VPS13B: variants seen among roughly 807,000 people sequenced by gnomAD.
The protein encoded by VPS13B is vacuolar protein sorting 13 homolog B.
Under a neutral mutation model 426.4 loss-of-function variants are expected in VPS13B, and 285 were observed. That is an observed-to-expected ratio of 0.67 (90% CI 0.61 to 0.74). The LOEUF (loss-of-function observed/expected upper bound fraction) is 0.74. Ranked by LOEUF, VPS13B falls within the 30% of genes least tolerant of loss-of-function variation. VPS13B has a pLI of 0.00. For synonymous variants in VPS13B, 1,676 were observed against 1,676.4 expected (o/e 1.00, Z 0.01); for missense variants, 4,537 against 4,782.6 (o/e 0.95, Z 1.51).
At chr8:99,050,603 C>T (rs963438288) in intron 3 of VPS13B, among the ~76,000 whole-genome samples, 11 of 152,180 alleles carry the variant, frequency 7.2e-5, no homozygotes, top group East Asian at 1.9e-4. Context: ...CCTGAGGAAT[C>T]GCCACACTGA....
At chr8:99,284,684 A>G (rs887653552) in intron 19 of VPS13B, among the ~76,000 whole-genome samples, 4 of 151,512 alleles carry the variant, frequency 2.6e-5, no homozygotes, top group East Asian at 3.9e-4. Flanking sequence ...CTGAATAGCT[A>G]TGACTACAGG....
intron 25 of VPS13B, among the ~76,000 whole-genome samples, chr8:99,482,664 C>G (rs1048403208): frequency 2.6e-5 from 4 of 152,102 alleles, no homozygotes; most frequent in African/African-American, 9.7e-5. Context: ...CAACACAGTT[C>G]AATCTTTCAT....
At chr8:99,260,240 ATTCT>A (rs1357262455) in intron 17 of VPS13B, among the ~76,000 whole-genome samples, 2 of 152,138 alleles carry the variant, frequency 1.3e-5, no homozygotes, top group Non-Finnish European at 2.9e-5. Context: ...GAATGAAAAG[ATTCT>A]TTATTTCTAT....
chr8:99,607,177 T>C (rs1194570461), intron 33 of VPS13B, among the ~76,000 whole-genome samples: 3 of 152,134 alleles, frequency 2.0e-5, no homozygotes, highest in Admixed American at 6.5e-5. Context: ...AGAAAGTATA[T>C]AACCTTCCCT....
chr8:99,402,389 T>A (rs916925298), intron 21 of VPS13B, among the ~76,000 whole-genome samples: 3 of 152,210 alleles, frequency 2.0e-5, no homozygotes, highest in East Asian at 3.9e-4. Flanking sequence ...CATGGTGATA[T>A]GACTTGCTGG....
intron 35 of VPS13B, among the ~76,000 whole-genome samples, chr8:99,686,269 A>G (rs1588622461): frequency 1.3e-5 from 2 of 152,180 alleles, no homozygotes; most frequent in Admixed American, 1.3e-4. Context: ...TAACACAAGC[A>G]CCGTGGCCAC....
chr8:99,576,785 T>C (rs1202346905), intron 32 of VPS13B, among the ~76,000 whole-genome samples: 1 of 152,206 alleles, frequency 6.6e-6, no homozygotes, highest in East Asian at 1.9e-4. Flanking sequence ...AATGTTCAAG[T>C]GACTAGGTTT....
At chr8:99,454,344 A>G (rs1818344804) in intron 23 of VPS13B, among the ~76,000 whole-genome samples, 1 of 151,866 alleles carries the variant, frequency 6.6e-6, no homozygotes, top group Admixed American at 6.6e-5. Flanking sequence ...TTTGTTTTTA[A>G]ATTTTTGTAG....
At chr8:99,705,246 A>C (rs147142490) in intron 36 of VPS13B, among the ~76,000 whole-genome samples, 1 of 152,164 alleles carries the variant, frequency 6.6e-6, no homozygotes, top group African/African-American at 2.4e-5. Flanking sequence ...AAAAAGTAGA[A>C]CAGGAATTTC....
At chr8:99,131,539 C>T (rs1391455438) in intron 8 of VPS13B, among the ~76,000 whole-genome samples, 1 of 152,124 alleles carries the variant, frequency 6.6e-6, no homozygotes, top group African/African-American at 2.4e-5. Context: ...AAGCGAGTCA[C>T]AGAAATTTTT....
chr8:99,329,982 A>C (rs550649089), intron 19 of VPS13B, among the ~76,000 whole-genome samples: 165 of 152,030 alleles, frequency 1.1e-3, no homozygotes, highest in African/African-American at 3.5e-3. Context: ...GTTTCCAGAC[A>C]GTGCTATATT....
At chr8:99,140,024 G>T (rs1347525836) in intron 12 of VPS13B, among the ~76,000 whole-genome samples, 1 of 152,038 alleles carries the variant, frequency 6.6e-6, no homozygotes, top group Non-Finnish European at 1.5e-5. Context: ...TTTGAAGGCG[G>T]ATTTGATTTT....
At position 99,265,301 on chromosome 8, in the gene VPS13B, G is replaced by T. The variant is rs985334571; in HGVS notation, c.2516-8897G>T. 2.6e-5 allele frequency among the ~76,000 whole-genome samples: 4 copies of T among 152,280 alleles called. No homozygotes were observed. The East Asian group carries it at 7.7e-4, about 29-fold the overall frequency. On this transcript the variant is annotated intron_variant, in intron 17 of 61. Transcript: ENST00000357162. ...TGTGTGAGGTTGGAACTTGTTGATT[G>T]TAGGGGAATTGGACACAATTCATTT...
At chr8:99,241,075 A>ATGCC (rs1816910417) in intron 17 of VPS13B, 1 of 152,232 alleles carries the variant, frequency 6.6e-6, no homozygotes, top group African/African-American at 2.4e-5. Context: ...TGTGCTTGAG[A>ATGCC]TGCCAGCTGG....
At chr8:99,445,103 G>T (rs3134147) in intron 23 of VPS13B, among the ~76,000 whole-genome samples, 39,485 of 151,428 alleles carry the variant, frequency 0.26, 5,870 homozygotes, top group East Asian at 0.44. Context: ...TTCTAGATAC[G>T]ATACCCTTAC....
chr8:99,179,296 T>C (rs1228521375), intron 16 of VPS13B, among the ~76,000 whole-genome samples: 1 of 152,192 alleles, frequency 6.6e-6, no homozygotes, highest in African/African-American at 2.4e-5. Flanking sequence ...TGGCTTGTTT[T>C]TGGAAGATCT....
rs374781096 is a variant in VPS13B at position 99,121,232 on chromosome 8, A to G, written c.993A>G (p.Gln331=). ...AATATCCTGCTCAGCATAAAGGTCA[A>G]GAGTTATATTCACAGCAAGATGAGG... ...DMQYPAQHKG[Q]ELYSQQDEEQ... The change falls in exon 8 of 62, where the codon CAA becomes CAG. Residue 331 remains glutamine, a synonymous_variant. Coordinates refer to ENST00000357162, the MANE Select transcript of VPS13B (RefSeq NM_152564.5). 6.2e-6 allele frequency: 10 copies of G among 1,614,024 alleles called. No individual in the cohort carries two copies. The Admixed American group carries it at 1.2e-4, about 19-fold the overall frequency.
At chr8:99,694,707 T>TA (rs1831869647) in intron 35 of VPS13B, among the ~76,000 whole-genome samples, 1 of 149,930 alleles carries the variant, frequency 6.7e-6, no homozygotes, top group Non-Finnish European at 1.5e-5. Context: ...GGGATCTAAT[T>TA]AAACTAAAGA....
intron 3 of VPS13B, among the ~76,000 whole-genome samples, chr8:99,069,514 C>G (rs779841873): frequency 1.3e-5 from 2 of 152,124 alleles, no homozygotes; most frequent in Non-Finnish European, 2.9e-5. Flanking sequence ...ATGTAGTTAT[C>G]TAATAAGTTA....
Sources: gnomAD v4.1 joint callset for allele counts (sites outside exome capture counted in the v4.1 genomes callset) on GRCh38, gnomAD v4.1.1 for gene constraint, MANE v1.5 for transcripts, NCBI Gene and HGNC (gene_info 2026-07-23, HGNC 2026-07-21) for gene names.